SEMA3C: variants seen among roughly 807,000 people sequenced by gnomAD.
SEMA3C encodes the protein semaphorin-3C.
In SEMA3C, 47 loss-of-function variants were observed where a neutral mutation model predicts 89.4. That is an observed-to-expected ratio of 0.53 (90% CI 0.42 to 0.67). The LOEUF (loss-of-function observed/expected upper bound fraction) is 0.67. SEMA3C is among the 30% of genes least tolerant of loss of function. SEMA3C has a pLI of 0.00. For missense variants in SEMA3C, 839 were observed against 929.1 expected (o/e 0.90, Z 1.26); for synonymous variants, 310 against 320.2 (o/e 0.97, Z 0.34).
At chr7:80,916,592 T>C in intron 2 of SEMA3C, 87 bp downstream of exon 2, 3 of 1,234,612 alleles carry the variant, frequency 2.4e-6, no homozygotes, top group Non-Finnish European at 3.3e-6. Context: ...TCCAGTAATA[T>C]TTATACTCTT....
chr7:80,773,656 C>T (rs970144582), intron 12 of SEMA3C, among the ~76,000 whole-genome samples: 2 of 152,122 alleles, frequency 1.3e-5, no homozygotes, highest in African/African-American at 4.8e-5. Flanking sequence ...TGTGTTTAAG[C>T]ATGGTGGTCC....
At chr7:80,902,594 A>G (rs1791908189) in intron 2 of SEMA3C, among the ~76,000 whole-genome samples, 1 of 152,240 alleles carries the variant, frequency 6.6e-6, no homozygotes, top group Non-Finnish European at 1.5e-5. Context: ...CAATTTTTCA[A>G]CTATCCATGT....
chr7:80,882,282 A>T (rs1222832414), intron 2 of SEMA3C, among the ~76,000 whole-genome samples: 1 of 152,070 alleles, frequency 6.6e-6, no homozygotes, highest in African/African-American at 2.4e-5. Flanking sequence ...TGTCTGTTTT[A>T]TTGGCCTGAA....
Position 80,818,338 on chromosome 7 carries a change from A to G in SEMA3C, c.408T>C (p.Ser136=), listed in dbSNP as rs1484413275. 1.2e-6 allele frequency: 2 copies of G among 1,613,478 alleles called. No homozygotes were observed. Among genetic ancestry groups the G allele is most frequent in the African/African-American group, 1.3e-5 (1 of 74,938 alleles). ...CTCTGTTCAAGTAAGTACAGACAGG[A>G]CTGAAAGCGCCACTCCCACAGACAT... ...HLYVCGSGAF[S]PVCTYLNRGR... The change falls in exon 5 of 18, where the codon AGT becomes AGC. Residue 136 remains serine, a synonymous_variant. Coordinates refer to ENST00000265361, the MANE Select transcript of SEMA3C (RefSeq NM_006379.5).
chr7:80,870,992 C>CCA (rs550171398), intron 2 of SEMA3C, among the ~76,000 whole-genome samples: 355 of 152,310 alleles, frequency 2.3e-3, no homozygotes, highest in Non-Finnish European at 4.1e-3. Flanking sequence ...GCCCTCTGAA[C>CCA]AAGATTTGGC....
At chr7:80,828,426 CT>C (rs1789929884) in intron 3 of SEMA3C, among the ~76,000 whole-genome samples, 158 bp downstream of exon 3, 2 of 151,996 alleles carry the variant, frequency 1.3e-5, no homozygotes, top group South Asian at 4.1e-4. Flanking sequence ...AACTTAATAC[CT>C]TTTCAGTCCA....
chr7:80,895,084 CCA>C (rs953929494), intron 2 of SEMA3C, among the ~76,000 whole-genome samples: 5 of 152,168 alleles, frequency 3.3e-5, no homozygotes, highest in African/African-American at 9.7e-5. Context: ...TGATTTATCC[CCA>C]CACACACGTG....
chr7:80,899,544 C>G (rs1449773312), intron 2 of SEMA3C, among the ~76,000 whole-genome samples: 1 of 152,080 alleles, frequency 6.6e-6, no homozygotes, highest in Admixed American at 6.5e-5. Context: ...CAATACCACC[C>G]TGGAGACAGC....
chr7:80,775,392 G>A (rs1052239059), intron 12 of SEMA3C, among the ~76,000 whole-genome samples: 9 of 151,946 alleles, frequency 5.9e-5, no homozygotes, highest in Non-Finnish European at 1.2e-4. Context: ...AAATCTTAGT[G>A]ACAGAAAAAT....
At chr7:80,814,681 A>G (rs1057252379) in intron 5 of SEMA3C, among the ~76,000 whole-genome samples, 4 of 152,114 alleles carry the variant, frequency 2.6e-5, no homozygotes, top group Non-Finnish European at 5.9e-5. Flanking sequence ...TACCCTATAC[A>G]TGGTCTCTTC....
At chr7:80,839,283 A>T (rs186942060) in intron 2 of SEMA3C, among the ~76,000 whole-genome samples, 8 of 152,316 alleles carry the variant, frequency 5.3e-5, no homozygotes, top group Admixed American at 5.2e-4. Context: ...CAAGGCAGAT[A>T]AACTTGTAGA....
intron 2 of SEMA3C, among the ~76,000 whole-genome samples, chr7:80,862,296 C>T (rs142430840): frequency 1.5e-3 from 231 of 152,160 alleles, no homozygotes; most frequent in African/African-American, 5.3e-3. Flanking sequence ...GTACCAACAG[C>T]GACCATGCAG....
At chr7:80,757,730 G>A (rs1788096427) in intron 15 of SEMA3C, among the ~76,000 whole-genome samples, 1 of 152,198 alleles carries the variant, frequency 6.6e-6, no homozygotes, top group Non-Finnish European at 1.5e-5. Context: ...CAGCACTTTG[G>A]GAGGCCAAGG....
At chr7:80,901,180 CAAGTT>C (rs923355414) in intron 2 of SEMA3C, among the ~76,000 whole-genome samples, 12 of 152,138 alleles carry the variant, frequency 7.9e-5, no homozygotes, top group African/African-American at 2.9e-4. Flanking sequence ...TTCCAGTTGT[CAAGTT>C]AGTTAGAATT....
intron 2 of SEMA3C, among the ~76,000 whole-genome samples, chr7:80,914,245 T>A (rs1792219301): frequency 1.3e-5 from 2 of 152,190 alleles, no homozygotes; most frequent in South Asian, 4.1e-4. Flanking sequence ...TACTCTTAAA[T>A]ACATTAACCC....
At chr7:80,828,359 T>A (rs1169379344) in intron 3 of SEMA3C, among the ~76,000 whole-genome samples, 3 of 152,240 alleles carry the variant, frequency 2.0e-5, no homozygotes, top group Admixed American at 2.0e-4. Flanking sequence ...TAGTATTTTT[T>A]CAGTTAGCTC....
rs533984388 is a variant in SEMA3C, at chr7:80,789,433, A to C, written c.1227T>G (p.Asn409Lys). The change falls in exon 12 of 18, where the codon AAT (asparagine) becomes AAG (lysine). Residue 409 changes from asparagine (N) to lysine (K), a missense_variant. Asn to Lys is a moderately conservative substitution (Grantham distance 94). Transcript: ENST00000265361. Reference sequence around the variant, plus strand: ...GCCTTTTGTGGATTGGGTAGATGGAATTGTACATGAGAGGATGGTTCCGAA... The same window carrying C: ...GCCTTTTGTGGATTGGGTAGATGGACTTGTACATGAGAGGATGGTTCCGAA... ...TFIRNHPLMYNSIYPIHKRPL... is the reference protein window; with the variant it reads ...TFIRNHPLMYKSIYPIHKRPL... 1 of 1,614,136 alleles carries C rather than the reference A, an allele frequency of 6.2e-7. No individual in the cohort carries two copies. Among genetic ancestry groups the C allele is most frequent in the African/African-American group, 1.3e-5 (1 of 75,064 alleles).
At chr7:80,777,439 G>C (rs894872174) in intron 12 of SEMA3C, among the ~76,000 whole-genome samples, 3 of 152,020 alleles carry the variant, frequency 2.0e-5, no homozygotes, top group African/African-American at 7.2e-5. Flanking sequence ...TTACAGATGC[G>C]TGCCACCACG....
rs1382387670 is a variant in SEMA3C at position 80,744,192 on chromosome 7, T to C, written c.*702A>G. 6.6e-6 allele frequency: 1 copy of C among 152,118 alleles called. No homozygotes were observed. Among genetic ancestry groups the C allele is most frequent in the Non-Finnish European group, 1.5e-5 (1 of 67,998 alleles). The allele number at this position is 152,118 out of a possible 1,614,324, so 9.4% of individuals were successfully genotyped here. Reference sequence around the variant, plus strand: ...TTTGGAAGGTGATAACATAAGAATATAAACCAAACTGCTTCACTGATATAA... The same window carrying C: ...TTTGGAAGGTGATAACATAAGAATACAAACCAAACTGCTTCACTGATATAA... On this transcript the variant is annotated 3_prime_UTR_variant, in exon 18 of 18. Transcript: ENST00000265361.
Sources: gnomAD v4.1 joint callset for allele counts (sites outside exome capture counted in the v4.1 genomes callset) on GRCh38, gnomAD v4.1.1 for gene constraint, MANE v1.5 for transcripts, NCBI Gene and HGNC (gene_info 2026-07-23, HGNC 2026-07-21) for gene names.